The following MYH7B variants were observed in gnomAD, a reference collection of about 807,000 sequenced individuals.
MYH7B encodes myosin-7B.
Under a neutral mutation model 234.5 loss-of-function variants are expected in MYH7B, and 205 were observed. The ratio of observed to expected loss-of-function variants is 0.87; its 90% CI spans 0.78 to 0.98. MYH7B has a LOEUF of 0.98. MYH7B is among the 50% of genes least tolerant of loss of function. The pLI is 0.00. For missense variants in MYH7B, 2,652 were observed against 2,633.4 expected (o/e 1.01, Z -0.15); for synonymous variants, 1,193 against 1,105.0 (o/e 1.08, Z -1.58).
intron 1 of MYH7B, among the ~76,000 whole-genome samples, chr20:34,956,715 G>A (rs1312813512): frequency 1.3e-5 from 2 of 152,204 alleles, no homozygotes; most frequent in Non-Finnish European, 2.9e-5. Flanking sequence ...AGGGGTAGAG[G>A]TGAGAGGCTG....
At chr20:34,982,353 C>T in intron 9 of MYH7B, 106 bp from the exon 10 acceptor site, 1 of 917,662 alleles carries the variant, frequency 1.1e-6, no homozygotes, top group Non-Finnish European at 1.7e-6. Context: ...GGGTTTCAAG[C>T]TGGGGGGAAG....
At position 34,996,479 on chromosome 20, in the gene MYH7B, C is replaced by T. The variant is rs772050779; in HGVS notation, c.3077C>T (p.Ala1026Val). The T allele has an allele frequency of 6.9e-5, 112 of 1,612,554 alleles. No individual in the cohort carries two copies. The highest frequency in any genetic ancestry group is 1.2e-4 in the African/African-American group (9 of 74,888). ...CAGGCCGAGGAGGACCGTGTGAGCG[C>T]GCTGACCAAGGCCAAGCTCCGGCTG... is the stretch of plus-strand genomic sequence containing the variant. Residue 1026 changes from alanine to valine, a missense_variant, in exon 29 of 45, where the codon GCG (alanine) becomes GTG (valine). Around this residue, in one of 3 missense-constraint regions of MYH7B, gnomAD observed 2,279 missense variants for 2,211.4 expected, o/e 1.03. Transcript: ENST00000262873.
intron 19 of MYH7B, 120 bp from the exon 20 acceptor site, chr20:34,989,620 T>C (rs2082101409): frequency 2.0e-6 from 2 of 976,276 alleles, no homozygotes; most frequent in East Asian, 5.3e-5. Flanking sequence ...TCCGGGGAGA[T>C]GGCTGAAGCT....
At chr20:34,986,571 TGGGCCAGAGG>T (rs1394009995) in intron 14 of MYH7B, among the ~76,000 whole-genome samples, 1 of 152,162 alleles carries the variant, frequency 6.6e-6, no homozygotes, top group Non-Finnish European at 1.5e-5. Context: ...GCATGGGATC[TGGGCCAGAGG>T]GGGCCATGAG....
chr20:34,966,510 A>G (rs959748228), intron 2 of MYH7B, among the ~76,000 whole-genome samples: 3 of 152,078 alleles, frequency 2.0e-5, no homozygotes, highest in African/African-American at 7.2e-5. Flanking sequence ...TATAAGGGCA[A>G]CACCTTTTTA....
chr20:34,999,545 G>A, intron 36 of MYH7B, 26 bp from the exon 37 acceptor site: 1 of 1,571,408 alleles, frequency 6.4e-7, no homozygotes, highest in East Asian at 2.2e-5. Context: ...CATGGGGGTG[G>A]CCTCTCAGCA....
Position 35,001,336 on chromosome 20 carries a change from A to G in MYH7B, c.5567A>G (p.Glu1856Gly), listed in dbSNP as rs781172162. ...CGCAAGCATGAGCGCCGTGTCAAGG[A>G]GCTCGCATACCAGGTGGGCGACAGG... Residue 1856 changes from glutamate (E) to glycine (G), a missense_variant, in exon 42 of 45, where the codon GAG becomes GGG. Around this residue, in one of 3 missense-constraint regions of MYH7B, gnomAD observed 2,279 missense variants for 2,211.4 expected, o/e 1.03. Coordinates refer to ENST00000262873, the Ensembl canonical transcript of MYH7B. 5.0e-6 allele frequency: 8 copies of G among 1,609,656 alleles called. No individual in the cohort carries two copies. The East Asian group carries it at 1.3e-4, about 27-fold the overall frequency.
At chr20:34,962,967 G>A (rs564225812) in intron 2 of MYH7B, among the ~76,000 whole-genome samples, 13 of 152,278 alleles carry the variant, frequency 8.5e-5, no homozygotes, top group South Asian at 4.1e-4. Flanking sequence ...GCGTGGTGGC[G>A]CACACCTGTA....
At chr20:34,985,711 A>C (rs2082008017) in intron 13 of MYH7B, among the ~76,000 whole-genome samples, 1 of 152,164 alleles carries the variant, frequency 6.6e-6, no homozygotes, top group South Asian at 2.1e-4. Flanking sequence ...GAGCGCAGGC[A>C]GGCAGTGACG....
At chr20:35,000,514 AGCG>A in exon 39 of MYH7B, 4 of 1,595,270 alleles carry the variant, frequency 2.5e-6, no homozygotes, top group Non-Finnish European at 3.4e-6. Flanking sequence ...GACGAGGAGC[AGCG>A]GCTGGCAGCT....
chr20:35,000,475 C>A, exon 39 of MYH7B: 1 of 1,601,764 alleles, frequency 6.2e-7, no homozygotes, highest in South Asian at 1.1e-5. Flanking sequence ...CTGATGCAGG[C>A]ACAGCTCAAG....
chr20:34,992,125 C>A (rs941827292), intron 24 of MYH7B, among the ~76,000 whole-genome samples: 2 of 152,202 alleles, frequency 1.3e-5, no homozygotes, highest in African/African-American at 4.8e-5. Flanking sequence ...GTGGCTAACG[C>A]CTGTAATCCC....
chr20:34,973,014 CTT>C, intron 2 of MYH7B, among the ~76,000 whole-genome samples: 1 of 152,188 alleles, frequency 6.6e-6, no homozygotes, highest in Non-Finnish European at 1.5e-5. Flanking sequence ...GTCAAATTCT[CTT>C]GCTCAGAGCT....
chr20:35,001,088 CCCGCCTTGAGGAGGCAGAACAGG>C lies in MYH7B; in HGVS notation c.5411_5433del (p.Leu1804ProfsTer21). On this transcript the variant is annotated frameshift_variant, in exon 41 of 45. Coordinates refer to ENST00000262873, the Ensembl canonical transcript of MYH7B. LOFTEE classifies it high-confidence loss of function. ...GAGCAGACGGTGCGCGAGCTCCAGG[CCCGCCTTGAGGAGGCAGAACAGG>C]CCGCCCTCCGTGGCGGGAAGAAGCA... 1 of 1,613,794 alleles carries C rather than the reference CCCGCCTTGAGGAGGCAGAACAGG, an allele frequency of 6.2e-7. No individual in the cohort carries two copies. The highest frequency in any genetic ancestry group is 8.5e-7 in the Non-Finnish European group (1 of 1,180,020).
At chr20:34,984,198 A>G (rs896886361) in intron 10 of MYH7B, among the ~76,000 whole-genome samples, 1 of 152,246 alleles carries the variant, frequency 6.6e-6, no homozygotes, top group Non-Finnish European at 1.5e-5. Context: ...CAGGCAGACA[A>G]ACAATGAAGA....
chr20:34,992,139 A>G (rs1352692912), intron 24 of MYH7B, among the ~76,000 whole-genome samples: 1 of 152,202 alleles, frequency 6.6e-6, no homozygotes, highest in Non-Finnish European at 1.5e-5. Flanking sequence ...TAATCCCAGC[A>G]CTTTGGGAGG....
intron 2 of MYH7B, among the ~76,000 whole-genome samples, chr20:34,968,531 C>T (rs2081763544): frequency 6.6e-6 from 1 of 152,240 alleles, no homozygotes; most frequent in African/African-American, 2.4e-5. Flanking sequence ...AGGCTGGCCT[C>T]CCAGGCCCCT....
exon 1 of MYH7B, chr20:34,956,007 G>C (rs1423091447): frequency 6.6e-6 from 1 of 152,394 alleles, no homozygotes; most frequent in Non-Finnish European, 1.5e-5. Context: ...GGGAGCTACG[G>C]GTATGCATAG....
chr20:34,999,187 G>T, exon 36 of MYH7B: 1 of 1,613,138 alleles, frequency 6.2e-7, no homozygotes, highest in Non-Finnish European at 8.5e-7. Context: ...GAGCTGGAGC[G>T]GGCGACCTCA....
Sources: allele counts gnomAD v4.1 joint callset (sites outside exome capture counted in the v4.1 genomes callset), GRCh38; gene constraint gnomAD v4.1.1; regional missense constraint gnomAD v4.1.1; transcripts MANE v1.5; gene names NCBI Gene and HGNC (gene_info 2026-07-23, HGNC 2026-07-21).